Variants in CPNE4 observed in about 807,000 individuals in gnomAD.
CPNE4 encodes the protein copine-4.
In CPNE4, 25 loss-of-function variants were observed where a neutral mutation model predicts 67.9. That is an observed-to-expected ratio of 0.37 (90% CI 0.27 to 0.51). The LOEUF is 0.51. Among genes scored for constraint, CPNE4 ranks in the 20% least tolerant of loss-of-function variants. The pLI is 0.93. For synonymous variants in CPNE4, 242 were observed against 244.9 expected, an observed-to-expected ratio of 0.99 and a Z score of 0.11; for missense variants, 464 against 690.8, an observed-to-expected ratio of 0.67 and a Z score of 3.68.
chr3:131,815,736 C>T (rs1583253973), intron 2 of CPNE4, among the ~76,000 whole-genome samples: 1 of 151,452 alleles, frequency 6.6e-6, no homozygotes, highest in Non-Finnish European at 1.5e-5. Context: ...TCTGAAAAGA[C>T]ATGACTCTCA....
At chr3:131,852,869 T>C (rs1299490663) in intron 2 of CPNE4, among the ~76,000 whole-genome samples, 1 of 151,298 alleles carries the variant, frequency 6.6e-6, no homozygotes, top group East Asian at 1.9e-4. Flanking sequence ...TAATTTAAAA[T>C]AAAAATAAAT....
chr3:131,975,447 G>A (rs982197844), intron 1 of CPNE4, among the ~76,000 whole-genome samples: 12 of 152,158 alleles, frequency 7.9e-5, no homozygotes, highest in African/African-American at 2.7e-4. Context: ...ATTTACCCGA[G>A]GCTTCTCCCA....
chr3:131,920,979 T>C (rs2070726981), intron 1 of CPNE4, among the ~76,000 whole-genome samples: 1 of 152,108 alleles, frequency 6.6e-6, no homozygotes, highest in South Asian at 2.1e-4. Context: ...ATCCTTACAG[T>C]GGTATGGCAT....
At chr3:131,614,672 T>A in intron 7 of CPNE4, among the ~76,000 whole-genome samples, 1 of 151,208 alleles carries the variant, frequency 6.6e-6, no homozygotes, top group Non-Finnish European at 1.5e-5. Context: ...AGATTAGACA[T>A]GAGGTGGGGT....
At chr3:131,792,706 C>CGTGTATATATATAT (rs1167463554) in intron 2 of CPNE4, among the ~76,000 whole-genome samples, 1 of 81,264 alleles carries the variant, frequency 1.2e-5, no homozygotes, top group African/African-American at 5.0e-5. Context: ...CATATACACA[C>CGTGTATATATATAT]ACGTGTATAT....
chr3:132,012,985 G>A (rs932387355), intron 1 of CPNE4, among the ~76,000 whole-genome samples: 1 of 152,220 alleles, frequency 6.6e-6, no homozygotes, highest in African/African-American at 2.4e-5. Flanking sequence ...CACTTTGGGA[G>A]GCTGAGGCGG....
At chr3:131,796,112 C>T (rs532883455) in intron 2 of CPNE4, among the ~76,000 whole-genome samples, 1 of 152,084 alleles carries the variant, frequency 6.6e-6, no homozygotes, top group African/African-American at 2.4e-5. Flanking sequence ...AAATAAGGTT[C>T]CTCTGGGCTC....
intron 7 of CPNE4, among the ~76,000 whole-genome samples, chr3:131,601,074 G>C (rs972233104): frequency 6.6e-6 from 1 of 152,044 alleles, no homozygotes; most frequent in African/African-American, 2.4e-5. Flanking sequence ...GAACTTGGTA[G>C]TGCTCTGGTA....
chr3:132,028,055 T>C (rs2074153511), intron 1 of CPNE4, among the ~76,000 whole-genome samples: 1 of 152,228 alleles, frequency 6.6e-6, no homozygotes, highest in Non-Finnish European at 1.5e-5. Context: ...AGGCATTTAC[T>C]TCATGATATT....
intron 8 of CPNE4, among the ~76,000 whole-genome samples, chr3:131,583,745 G>A (rs1022929708): frequency 6.6e-6 from 1 of 152,106 alleles, no homozygotes; most frequent in Non-Finnish European, 1.5e-5. Flanking sequence ...TAAATAGTTT[G>A]CATCTGTCTT....
At chr3:131,757,996 C>T (rs1334308536) in intron 2 of CPNE4, among the ~76,000 whole-genome samples, 1 of 152,212 alleles carries the variant, frequency 6.6e-6, no homozygotes, top group Non-Finnish European at 1.5e-5. Flanking sequence ...TATGGAAATG[C>T]CTGGATTCCC....
intron 3 of CPNE4, among the ~76,000 whole-genome samples, chr3:131,722,781 A>G (rs2081920755): frequency 6.6e-6 from 1 of 152,214 alleles, no homozygotes; most frequent in African/African-American, 2.4e-5. Flanking sequence ...AAGGAAAGGA[A>G]AAAAGGAAAA....
chr3:131,717,662 C>T (rs1226899993), intron 3 of CPNE4, among the ~76,000 whole-genome samples: 2 of 152,184 alleles, frequency 1.3e-5, no homozygotes, highest in Non-Finnish European at 2.9e-5. Flanking sequence ...GCCTCCCTCA[C>T]CTCATCTCCA....
intron 10 of CPNE4, among the ~76,000 whole-genome samples, chr3:131,566,002 T>G (rs1224280255): frequency 6.6e-6 from 1 of 151,924 alleles, no homozygotes; most frequent in Non-Finnish European, 1.5e-5. Context: ...TTACTCCATT[T>G]TCATGTGACA....
At chr3:131,802,979 T>C (rs1306139442) in intron 2 of CPNE4, among the ~76,000 whole-genome samples, 2 of 152,192 alleles carry the variant, frequency 1.3e-5, no homozygotes, top group Non-Finnish European at 2.9e-5. Context: ...AAAACCTGTA[T>C]GGACTCAGGA....
At chr3:131,996,991 T>C (rs181908677) in intron 1 of CPNE4, among the ~76,000 whole-genome samples, 23 of 151,982 alleles carry the variant, frequency 1.5e-4, no homozygotes, top group Non-Finnish European at 1.3e-4. Context: ...AATAATAATA[T>C]AACAACAGGC....
chr3:131,969,178 G>A (rs2072437321), intron 1 of CPNE4, among the ~76,000 whole-genome samples: 2 of 151,922 alleles, frequency 1.3e-5, no homozygotes, highest in African/African-American at 2.4e-5. Flanking sequence ...GACACAGGAA[G>A]GGGAACATCA....
intron 2 of CPNE4, among the ~76,000 whole-genome samples, chr3:131,817,370 G>A (rs1318827993): frequency 6.6e-6 from 1 of 152,152 alleles, no homozygotes; most frequent in Admixed American, 6.5e-5. Context: ...GGAAACAACG[G>A]AAGGCCCTAA....
intron 1 of CPNE4, among the ~76,000 whole-genome samples, chr3:131,952,316 C>T (rs1331283180): frequency 2.0e-5 from 3 of 150,560 alleles, no homozygotes; most frequent in Admixed American, 2.0e-4. Context: ...GTGAGGAGAC[C>T]CTCTGCCTGG....
Sources: allele counts gnomAD v4.1 joint callset (sites outside exome capture counted in the v4.1 genomes callset), GRCh38; gene constraint gnomAD v4.1.1; transcripts MANE v1.5; gene names NCBI Gene and HGNC (gene_info 2026-07-23, HGNC 2026-07-21).